Variants in GOLM2 observed in about 807,000 individuals in gnomAD.
GOLM2 encodes the protein golgi membrane protein 2.
Under a neutral mutation model 55.9 loss-of-function variants are expected in GOLM2, and 26 were observed. That is an observed-to-expected ratio of 0.47 (90% CI 0.34 to 0.65). The LOEUF (loss-of-function observed/expected upper bound fraction) is 0.65. GOLM2 is among the 30% of genes least tolerant of loss of function. The pLI is 0.01. For synonymous variants in GOLM2, 165 were observed against 194.6 expected (o/e 0.85, Z 1.27); for missense variants, 486 against 531.8 (o/e 0.91, Z 0.85).
chr15:44,381,499 G>C (rs140469468), intron 8 of GOLM2, among the ~76,000 whole-genome samples: 1 of 152,310 alleles, frequency 6.6e-6, no homozygotes, highest in African/African-American at 2.4e-5. Context: ...TGAGGCAGGA[G>C]AGTGTCCCTT....
chr15:44,291,345 C>T (rs760064990), intron 1 of GOLM2, among the ~76,000 whole-genome samples: 3 of 152,090 alleles, frequency 2.0e-5, no homozygotes, highest in African/African-American at 4.8e-5. Context: ...GTCCCCTGTT[C>T]TCAGTAAAGG....
chr15:44,371,596 G>A (rs919876449), intron 6 of GOLM2, among the ~76,000 whole-genome samples: 3 of 152,102 alleles, frequency 2.0e-5, no homozygotes, highest in Non-Finnish European at 2.9e-5. Context: ...ATGTTATATC[G>A]TTGTTTTGTA....
At chr15:44,316,907 G>A (rs1208608398) in intron 1 of GOLM2, among the ~76,000 whole-genome samples, 1 of 151,954 alleles carries the variant, frequency 6.6e-6, no homozygotes, top group Non-Finnish European at 1.5e-5. Flanking sequence ...GATCACATGG[G>A]CTTGGGAGGC....
At chr15:44,306,160 T>C (rs2078835515) in intron 1 of GOLM2, among the ~76,000 whole-genome samples, 1 of 152,248 alleles carries the variant, frequency 6.6e-6, no homozygotes, top group Admixed American at 6.5e-5. Context: ...CTTCTTCCAA[T>C]AGAAGGCTGT....
Position 44,308,914 on chromosome 15 carries a change from T to C in GOLM2, c.328-14051T>C, listed in dbSNP as rs1424538010. Among the ~76,000 whole-genome samples, 4 of 152,304 alleles carry C rather than the reference T, an allele frequency of 2.6e-5. No individual in the cohort carries two copies. The East Asian group carries it at 7.7e-4, about 29-fold the overall frequency. On this transcript the variant is annotated intron_variant, in intron 1 of 9. Transcript: ENST00000299957. ...CTGATAAGGGTTAATATCCAAAATA[T>C]ATAAGGAACTTATACAATGTAATAA... is the stretch of plus-strand genomic sequence containing the variant.
chr15:44,332,535 G>A (rs981766172), intron 4 of GOLM2, among the ~76,000 whole-genome samples: 1 of 151,450 alleles, frequency 6.6e-6, no homozygotes, highest in African/African-American at 2.4e-5. Context: ...ACTCCAGTCT[G>A]GGCAACAGAG....
At chr15:44,349,529 A>G (rs2079147753) in intron 6 of GOLM2, among the ~76,000 whole-genome samples, 1 of 152,228 alleles carries the variant, frequency 6.6e-6, no homozygotes. Context: ...ATAAATTTCA[A>G]TACAATAATA....
intron 6 of GOLM2, among the ~76,000 whole-genome samples, chr15:44,376,011 C>T (rs1456130060): frequency 2.0e-5 from 3 of 151,950 alleles, no homozygotes; most frequent in South Asian, 2.1e-4. Flanking sequence ...CCGAGGTGGG[C>T]GGATCACCTG....
At chr15:44,328,577 A>G (rs2079000028) in intron 2 of GOLM2, 108 bp from the exon 3 acceptor site, 3 of 623,282 alleles carry the variant, frequency 4.8e-6, no homozygotes, top group Admixed American at 6.4e-5. Context: ...GAGTATTACT[A>G]AAGAAATTGA....
At chr15:44,322,574 C>G (rs1204139738) in intron 1 of GOLM2, among the ~76,000 whole-genome samples, 2 of 151,982 alleles carry the variant, frequency 1.3e-5, no homozygotes, top group Non-Finnish European at 2.9e-5. Flanking sequence ...TATCCAAGGT[C>G]TTATTTTAAT....
Position 44,413,521 on chromosome 15 carries a change from G to C in GOLM2, c.*115G>C, listed in dbSNP as rs573363548. ...TGTATCAGTTGTAAAGATACATTGA[G>C]ATAGAATTAAGGAAAAACTTTAATG... On this transcript the variant is annotated 3_prime_UTR_variant, in exon 10 of 10. Coordinates refer to ENST00000299957, the MANE Select transcript of GOLM2 (RefSeq NM_138423.4). 2.7e-6 allele frequency: 2 copies of C among 735,922 alleles called. No homozygotes were observed. The highest frequency in any genetic ancestry group is 4.5e-6 in the Non-Finnish European group (2 of 441,896). The allele number at this position is 735,922 out of a possible 1,614,324, so 45.6% of individuals were successfully genotyped here.
At chr15:44,301,122 C>T (rs1174916290) in intron 1 of GOLM2, among the ~76,000 whole-genome samples, 1 of 152,086 alleles carries the variant, frequency 6.6e-6, no homozygotes. Context: ...CATTTTTTCT[C>T]ATTTGATGAT....
intron 2 of GOLM2, among the ~76,000 whole-genome samples, chr15:44,327,268 A>C (rs985016276): frequency 9.9e-5 from 15 of 151,702 alleles, no homozygotes; most frequent in Non-Finnish European, 1.5e-4. Flanking sequence ...CTGCTTTTTA[A>C]AAACAGCCAG....
intron 6 of GOLM2, among the ~76,000 whole-genome samples, chr15:44,368,990 A>G (rs1311332659): frequency 7.1e-6 from 1 of 141,534 alleles, no homozygotes; most frequent in Admixed American, 7.5e-5. Context: ...CTGGCAGACA[A>G]ATTACTGGAG....
chr15:44,374,092 C>T (rs1470039031), intron 6 of GOLM2, among the ~76,000 whole-genome samples: 1 of 152,096 alleles, frequency 6.6e-6, no homozygotes, highest in Non-Finnish European at 1.5e-5. Flanking sequence ...CAGAGCAAGA[C>T]TCAGTCTCAA....
intron 1 of GOLM2, among the ~76,000 whole-genome samples, chr15:44,315,087 C>G (rs2078900319): frequency 6.6e-6 from 1 of 152,148 alleles, no homozygotes; most frequent in African/African-American, 2.4e-5. Flanking sequence ...ATTAAAATTC[C>G]TGGGCCTTTC....
At chr15:44,318,222 A>C (rs937315979) in intron 1 of GOLM2, among the ~76,000 whole-genome samples, 5 of 152,106 alleles carry the variant, frequency 3.3e-5, no homozygotes, top group African/African-American at 4.8e-5. Context: ...TCCTTCAGCT[A>C]TTTAAAAAAA....
intron 6 of GOLM2, among the ~76,000 whole-genome samples, chr15:44,361,417 C>A (rs1258348506): frequency 6.6e-6 from 1 of 151,738 alleles, no homozygotes; most frequent in Admixed American, 6.6e-5. Flanking sequence ...ACTACAAACA[C>A]CTCTATGCAA....
At chr15:44,315,761 A>G (rs537816815) in intron 1 of GOLM2, among the ~76,000 whole-genome samples, 13 of 152,344 alleles carry the variant, frequency 8.5e-5, no homozygotes, top group Admixed American at 6.5e-5. Flanking sequence ...TTGGCCTATT[A>G]TAGATGGACT....
Sources: gnomAD v4.1 joint callset for allele counts (sites outside exome capture counted in the v4.1 genomes callset) on GRCh38, gnomAD v4.1.1 for gene constraint, MANE v1.5 for transcripts, NCBI Gene and HGNC (gene_info 2026-07-23, HGNC 2026-07-21) for gene names.